Variants in ZFHX4 observed in about 807,000 individuals in gnomAD.
ZFHX4 encodes zinc finger homeobox protein 4.
ZFHX4 carries 56 observed loss-of-function variants against 267.6 expected under a neutral mutation model. The observed-to-expected ratio is 0.21, with a 90% confidence interval of 0.17 to 0.26. ZFHX4 has a LOEUF of 0.26. Ranked by LOEUF, ZFHX4 falls within the 10% of genes least tolerant of loss-of-function variation. The pLI, the probability that ZFHX4 is intolerant of heterozygous loss-of-function variation, is 1.00. For missense variants in ZFHX4, 4,332 were observed against 4,420.0 expected, an observed-to-expected ratio of 0.98 and a Z score of 0.56; for synonymous variants, 1,778 against 1,665.6, an observed-to-expected ratio of 1.07 and a Z score of -1.64.
intron 4 of ZFHX4, among the ~76,000 whole-genome samples, chr8:76,818,786 G>T (rs1811570301): frequency 6.6e-6 from 1 of 152,018 alleles, no homozygotes; most frequent in Non-Finnish European, 1.5e-5. Context: ...AACCAGGCAA[G>T]GTGACACATT....
chr8:76,849,999 G>T, intron 8 of ZFHX4: 1 of 568,054 alleles, frequency 1.8e-6, no homozygotes, highest in Non-Finnish European at 3.1e-6. Flanking sequence ...TTTCAAACTT[G>T]CTTCATTATC....
At chr8:76,748,537 C>T (rs376311928) in intron 3 of ZFHX4, among the ~76,000 whole-genome samples, 10 of 152,250 alleles carry the variant, frequency 6.6e-5, no homozygotes, top group African/African-American at 1.4e-4. Flanking sequence ...TGGACTCAAG[C>T]GATCCTCCCA....
At chr8:76,850,014 T>C (rs1473238111) in intron 8 of ZFHX4, 6 of 571,424 alleles carry the variant, frequency 1.1e-5, no homozygotes, top group Non-Finnish European at 1.8e-5. Flanking sequence ...ATTATCATTA[T>C]AAAAAAATAA....
intron 3 of ZFHX4, among the ~76,000 whole-genome samples, chr8:76,749,057 A>G (rs1400277370): frequency 4.6e-5 from 7 of 152,218 alleles, no homozygotes. Flanking sequence ...AACTAAAATC[A>G]GTATTAAAGG....
intron 3 of ZFHX4, among the ~76,000 whole-genome samples, chr8:76,742,014 T>C (rs1809330843): frequency 6.6e-6 from 1 of 152,226 alleles, no homozygotes; most frequent in Non-Finnish European, 1.5e-5. Context: ...AGTTGTATTG[T>C]TATGTGGGAA....
At chr8:76,764,842 TAAGCAGTGCC>T (rs1486437763) in intron 3 of ZFHX4, among the ~76,000 whole-genome samples, 1 of 152,204 alleles carries the variant, frequency 6.6e-6, no homozygotes, top group East Asian at 1.9e-4. Context: ...TGCTGTAGGT[TAAGCAGTGCC>T]TCCCTATTGT....
chr8:76,789,128 T>C (rs1810770328), intron 4 of ZFHX4, among the ~76,000 whole-genome samples: 1 of 152,166 alleles, frequency 6.6e-6, no homozygotes, highest in Admixed American at 6.5e-5. Context: ...TGACATATGA[T>C]TGTGAAAGTC....
intron 3 of ZFHX4, among the ~76,000 whole-genome samples, chr8:76,724,721 T>C (rs1350319692): frequency 6.6e-6 from 1 of 152,106 alleles, no homozygotes; most frequent in Non-Finnish European, 1.5e-5. Context: ...TGCCTTATCA[T>C]GGTTGCAGAA....
Position 76,781,622 on chromosome 8 carries a change from G to A in ZFHX4, c.3325+3183G>A, listed in dbSNP as rs914752230. ...TTTTGACCTATTAACTTTTTATCAC[G>A]ATGCAGAATATATCTTAAACATAAG... On this transcript the variant is annotated intron_variant, in intron 4 of 10. Coordinates refer to ENST00000651372, the MANE Select transcript of ZFHX4 (RefSeq NM_024721.5). 6.6e-5 allele frequency among the ~76,000 whole-genome samples: 10 copies of A among 152,072 alleles called. No homozygotes were observed. The South Asian group carries it at 1.2e-3, about 19-fold the overall frequency.
At chr8:76,692,727 A>G (rs186483137) in intron 1 of ZFHX4, among the ~76,000 whole-genome samples, 4 of 152,200 alleles carry the variant, frequency 2.6e-5, no homozygotes, top group African/African-American at 9.6e-5. Flanking sequence ...TACATTTTTC[A>G]TTGCGATACA....
chr8:76,813,299 C>G (rs577721062), intron 4 of ZFHX4, among the ~76,000 whole-genome samples: 1 of 151,944 alleles, frequency 6.6e-6, no homozygotes, highest in Non-Finnish European at 1.5e-5. Context: ...GGTACAGTCT[C>G]GTAAGAATTT....
At chr8:76,691,659 G>C (rs1807827096) in intron 1 of ZFHX4, among the ~76,000 whole-genome samples, 1 of 152,058 alleles carries the variant, frequency 6.6e-6, no homozygotes, top group Non-Finnish European at 1.5e-5. Flanking sequence ...AAGATACCTG[G>C]ATTACATTTC....
chr8:76,731,065 T>C (rs1248542588), intron 3 of ZFHX4, among the ~76,000 whole-genome samples: 1 of 152,140 alleles, frequency 6.6e-6, no homozygotes, highest in African/African-American at 2.4e-5. Flanking sequence ...AATCATTCTT[T>C]ACTGATAAGC....
intron 3 of ZFHX4, among the ~76,000 whole-genome samples, chr8:76,719,261 G>T (rs1808658423): frequency 6.6e-6 from 1 of 151,244 alleles, no homozygotes; most frequent in Admixed American, 6.6e-5. Context: ...AAGATTATGG[G>T]TTAATCATTA....
In ZFHX4 at chr8:76,849,037, G is replaced by A; in HGVS notation, c.3554G>A (p.Gly1185Glu). The change falls in exon 7 of 11, where the codon GGG becomes GAG. Residue 1185 changes from glycine to glutamate, a missense_variant. Around this residue, in one of 7 missense-constraint regions of ZFHX4, gnomAD observed 1,371 missense variants for 1,423.1 expected, o/e 0.96. Coordinates refer to ENST00000651372, the MANE Select transcript of ZFHX4 (RefSeq NM_024721.5). ...PEKELKVSVA[G>E]GTQPLLLAKE... ...AAGGAACTAAAAGTTAGTGTGGCAG[G>A]GGGTACCCAGCCACTCCTGCTGGCA... 6.4e-7 allele frequency: 1 copy of A among 1,562,070 alleles called. No homozygotes were observed. Among genetic ancestry groups the A allele is most frequent in the East Asian group, 2.4e-5 (1 of 41,688 alleles).
rs867093053 is a variant in ZFHX4, at chr8:76,828,561, A to C, written c.3326-4777A>C. On this transcript the variant is annotated intron_variant, in intron 4 of 10. Transcript: ENST00000651372. ...AGCACCTAACAAGTTTCCAAAAATG[A>C]TCATTAGTTTATAATTAGAGCACTG... Among the ~76,000 whole-genome samples, 5 of 152,228 alleles carry C rather than the reference A, an allele frequency of 3.3e-5. No individual in the cohort carries two copies. The South Asian group carries it at 1.0e-3, about 31-fold the overall frequency.
chr8:76,748,129 T>C (rs1038680100), intron 3 of ZFHX4, among the ~76,000 whole-genome samples: 18 of 152,204 alleles, frequency 1.2e-4, no homozygotes, highest in African/African-American at 4.3e-4. Flanking sequence ...GCAAAATCCT[T>C]GTTTTACCTA....
chr8:76,772,893 G>A (rs1563513587), intron 3 of ZFHX4, among the ~76,000 whole-genome samples: 1 of 152,064 alleles, frequency 6.6e-6, no homozygotes, highest in East Asian at 1.9e-4. Flanking sequence ...ACAAAAACCT[G>A]CCAAACCAAG....
chr8:76,791,904 A>G (rs1018832068), intron 4 of ZFHX4, among the ~76,000 whole-genome samples: 29 of 152,176 alleles, frequency 1.9e-4, no homozygotes, highest in African/African-American at 7.0e-4. Flanking sequence ...CAATGTATAG[A>G]TATTACTCAT....
Sources: gnomAD v4.1 joint callset for allele counts (sites outside exome capture counted in the v4.1 genomes callset) on GRCh38, gnomAD v4.1.1 for gene constraint, gnomAD v4.1.1 regional missense constraint, MANE v1.5 for transcripts, NCBI Gene and HGNC (gene_info 2026-07-23, HGNC 2026-07-21) for gene names.